DCAF8: variants seen among roughly 807,000 people sequenced by gnomAD.
DCAF8 encodes the protein DDB1- and CUL4-associated factor 8.
DCAF8 carries 20 observed loss-of-function variants against 68.0 expected under a neutral mutation model. The observed-to-expected ratio is 0.29, with a 90% CI of 0.21 to 0.43. DCAF8 has a LOEUF of 0.43. DCAF8 is among the 20% of genes least tolerant of loss of function. DCAF8 has a pLI of 1.00. For synonymous variants in DCAF8, 230 were observed against 276.9 expected, an observed-to-expected ratio of 0.83 and a Z score of 1.68; for missense variants, 460 against 771.0, an observed-to-expected ratio of 0.60 and a Z score of 4.78.
rs11375715 is a variant in DCAF8 at position 160,258,758 on chromosome 1, T to TAA, written c.-27+2525_-27+2526dup. 3.6e-4 allele frequency among the ~76,000 whole-genome samples: 54 copies of TAA among 152,038 alleles called. 2 individuals are homozygous for TAA. Among genetic ancestry groups the TAA allele is most frequent in the South Asian group, 2.1e-3 (10 of 4,806 alleles). ...AAGTGAGACCCTATCTCTACAAAAA[T>TAA]AAAAAAAACTTTAGAAAGATAAAAA... is the stretch of plus-strand genomic sequence containing the variant. On this transcript the variant is annotated intron_variant, in intron 2 of 13. Coordinates refer to ENST00000368074, the MANE Select transcript of DCAF8 (RefSeq NM_015726.4).
chr1:160,228,735 A>G (rs749030701), intron 7 of DCAF8, among the ~76,000 whole-genome samples: 7 of 152,100 alleles, frequency 4.6e-5, no homozygotes, highest in Non-Finnish European at 7.3e-5. Context: ...TCAGTAAGCT[A>G]TTTCTCTATA....
At chr1:160,244,616 T>C (rs1656246090) in intron 2 of DCAF8, among the ~76,000 whole-genome samples, 1 of 150,612 alleles carries the variant, frequency 6.6e-6, no homozygotes, top group Non-Finnish European at 1.5e-5. Flanking sequence ...ATTATTATTA[T>C]TCTTTCTTTT....
intron 3 of DCAF8, among the ~76,000 whole-genome samples, chr1:160,242,188 T>C (rs1007612315): frequency 1.3e-5 from 2 of 148,658 alleles, no homozygotes; most frequent in Non-Finnish European, 3.0e-5. Flanking sequence ...GAGGCTGCAG[T>C]GAGCCGAGAT....
At chr1:160,235,911 G>C (rs1056602083) in intron 6 of DCAF8, among the ~76,000 whole-genome samples, 3 of 152,180 alleles carry the variant, frequency 2.0e-5, no homozygotes, top group African/African-American at 7.2e-5. Flanking sequence ...GCTAATTTTT[G>C]TATTTTTAGT....
intron 7 of DCAF8, 115 bp downstream of exon 7, chr1:160,231,182 G>A: frequency 1.3e-6 from 1 of 745,522 alleles, no homozygotes. Context: ...AAAAATTCAA[G>A]ATAATAGTTA....
intron 2 of DCAF8, among the ~76,000 whole-genome samples, chr1:160,245,904 CGAG>C (rs1656304396): frequency 6.6e-6 from 1 of 151,872 alleles, no homozygotes; most frequent in Admixed American, 6.6e-5. Context: ...TTTGGGAGGC[CGAG>C]GAGGGCAGAT....
intron 4 of DCAF8, chr1:160,239,443 C>T: frequency 1.4e-6 from 2 of 1,437,336 alleles, no homozygotes; most frequent in South Asian, 1.5e-5. Context: ...TACTACACTG[C>T]CTCCTACCAG....
chr1:160,221,001 T>C (rs1655277597), intron 11 of DCAF8: 1 of 152,180 alleles, frequency 6.6e-6, no homozygotes, highest in Admixed American at 6.5e-5. Flanking sequence ...GGGTAGCCTC[T>C]ATATCTCTTA....
At position 160,216,667 on chromosome 1, in the gene DCAF8, T is replaced by TAA. The variant is rs1400867864; in HGVS notation, c.*923_*924dup. 1 of 152,668 alleles carries TAA rather than the reference T, an allele frequency of 6.6e-6. No homozygotes were observed. Among genetic ancestry groups the TAA allele is most frequent in the African/African-American group, 2.4e-5 (1 of 41,474 alleles). The allele number at this position is 152,668 out of a possible 1,614,324, so 9.5% of individuals were successfully genotyped here. On this transcript the variant is annotated 3_prime_UTR_variant, in exon 14 of 14. Transcript: ENST00000368074. ...CCACACCATTACTCTTGTTCACTCT[T>TAA]AAGTCCCTTTATTGCATTCAGAGAA...
At position 160,236,279 on chromosome 1, in the gene DCAF8, C is replaced by CACAT. The variant is rs780727897; in HGVS notation, c.959+855_959+856insATGT. On this transcript the variant is annotated intron_variant, in intron 6 of 13. Coordinates refer to ENST00000368074, the MANE Select transcript of DCAF8 (RefSeq NM_015726.4). The stretch of plus-strand genomic sequence containing the variant: ...TCACACACAAACACACACACACATA[C>CACAT]ATACACGTACGTATATATATACATA... Among the ~76,000 whole-genome samples, 298 of 151,476 alleles carry CACAT rather than the reference C, an allele frequency of 2.0e-3. 1 individual carries two copies. The highest frequency in any genetic ancestry group is 3.3e-3 in the Non-Finnish European group (225 of 67,800).
Position 160,239,170 on chromosome 1 carries a change from C to A in DCAF8, c.724-423G>T, listed in dbSNP as rs370935045. ...TTAGGATAAATGGCTGGTACCAGTA[C>A]AGTAGATGGGGCCAAGGAGTAAAAT... is the stretch of plus-strand genomic sequence containing the variant. On this transcript the variant is annotated intron_variant, in intron 4 of 13. Transcript: ENST00000368074. The A allele has an allele frequency of 2.9e-4, 305 of 1,069,888 alleles. 4 individuals carry two copies. The African/African-American group carries it at 4.4e-3, about 16-fold the overall frequency. The allele number at this position is 1,069,888 out of a possible 1,614,324, so 66.3% of individuals were successfully genotyped here.
Position 160,246,678 on chromosome 1 carries a change from G to A in DCAF8, c.-26-2644C>T, listed in dbSNP as rs572508000. Among the ~76,000 whole-genome samples the A allele has an allele frequency of 9.2e-5, 14 of 152,200 alleles. No homozygotes were observed. The East Asian group carries it at 2.1e-3, about 23-fold the overall frequency. ...GCTGTGCCCTAGGTGTCAAGTATAGGAGCCACTGAAAAATCTTTTCCAGCC... is the reference window on the plus strand; with the variant it reads ...GCTGTGCCCTAGGTGTCAAGTATAGAAGCCACTGAAAAATCTTTTCCAGCC... On this transcript the variant is annotated intron_variant, in intron 2 of 13. Transcript: ENST00000368074.
chr1:160,239,617 G>A, intron 4 of DCAF8, 80 bp downstream of exon 4: 1 of 1,613,610 alleles, frequency 6.2e-7, no homozygotes, highest in Non-Finnish European at 8.5e-7. Flanking sequence ...CTCACTATCA[G>A]CTCCCAATCC....
At chr1:160,255,732 G>A (rs755373684) in intron 2 of DCAF8, among the ~76,000 whole-genome samples, 10 of 151,940 alleles carry the variant, frequency 6.6e-5, no homozygotes, top group Non-Finnish European at 1.3e-4. Context: ...CAATTCTCCC[G>A]CCTCAGCCTC....
chr1:160,243,919 T>C (rs752666422), intron 3 of DCAF8, 41 bp downstream of exon 3: 5 of 1,605,278 alleles, frequency 3.1e-6, no homozygotes, highest in African/African-American at 1.3e-5. Flanking sequence ...ACAACCTCAG[T>C]TGATAGTAAA....
chr1:160,261,604 T>C (rs1255480352), intron 1 of DCAF8: 1 of 152,134 alleles, frequency 6.6e-6, no homozygotes, highest in Non-Finnish European at 1.5e-5. Context: ...TTTAAAAGGA[T>C]AACCTGAATC....
At chr1:160,221,066 C>G (rs1432473301) in intron 11 of DCAF8, 1 of 152,210 alleles carries the variant, frequency 6.6e-6, no homozygotes, top group Non-Finnish European at 1.5e-5. Flanking sequence ...CCCACCCATC[C>G]CAAGTAGATG....
chr1:160,237,669 G>A (rs959010760), intron 5 of DCAF8, among the ~76,000 whole-genome samples: 17 of 152,060 alleles, frequency 1.1e-4, no homozygotes, highest in African/African-American at 4.1e-4. Flanking sequence ...TGGGACTAGA[G>A]GCACAAGGCA....
Position 160,262,245 on chromosome 1 carries a change from G to GC in DCAF8, c.-101+203_-101+204insG, listed in dbSNP as rs1657129807. The GC allele has an allele frequency of 1.0e-5, 4 of 398,628 alleles. No individual in the cohort carries two copies. In the East Asian group the frequency reaches 1.4e-4, roughly 14 times the overall value. The allele number at this position is 398,628 out of a possible 1,614,324, so 24.7% of individuals were successfully genotyped here. A position where few individuals can be genotyped will look rare whatever the true frequency, so the allele number is the denominator to read the frequency against. On this transcript the variant is annotated intron_variant, in intron 1 of 13. Transcript: ENST00000368074. ...GGAAACCGGCTGGGAAGCGAGGGGG[G>GC]GCGCAGGCCGAGCCGGAACGAGACA...
Sources: gnomAD v4.1 joint callset for allele counts (sites outside exome capture counted in the v4.1 genomes callset) on GRCh38, gnomAD v4.1.1 for gene constraint, MANE v1.5 for transcripts, NCBI Gene and HGNC (gene_info 2026-07-23, HGNC 2026-07-21) for gene names.